The following ZCCHC7 variants were observed in gnomAD, a reference collection of about 807,000 sequenced individuals.
ZCCHC7 encodes the protein zinc finger CCHC domain-containing protein 7.
A neutral mutation model predicts 52.0 loss-of-function variants in ZCCHC7; 35 were observed. The observed-to-expected ratio is 0.67, with a 90% CI of 0.51 to 0.89. ZCCHC7 has a LOEUF of 0.89. Among genes scored for constraint, ZCCHC7 ranks in the 40% least tolerant of loss-of-function variants. ZCCHC7 has a pLI of 0.00. For missense variants in ZCCHC7, 574 were observed against 649.1 expected (o/e 0.88, Z 1.26); for synonymous variants, 217 against 221.5 (o/e 0.98, Z 0.18).
chr9:37,207,668 C>G (rs1211908184), intron 2 of ZCCHC7, among the ~76,000 whole-genome samples: 1 of 151,386 alleles, frequency 6.6e-6, no homozygotes, highest in Non-Finnish European at 1.5e-5. Flanking sequence ...TTCTGTTTGT[C>G]GGATCGGATA....
chr9:37,334,117 A>C (rs974646229), intron 6 of ZCCHC7, among the ~76,000 whole-genome samples: 1 of 151,928 alleles, frequency 6.6e-6, no homozygotes, highest in African/African-American at 2.4e-5. Context: ...TAAAGAGTGT[A>C]GAAGTATTAT....
intron 3 of ZCCHC7, among the ~76,000 whole-genome samples, chr9:37,303,655 CTTTTTTTTTT>C (rs74182940): frequency 5.3e-5 from 3 of 56,776 alleles, no homozygotes; most frequent in East Asian, 5.7e-4. Context: ...TTTTCTACCT[CTTTTTTTTTT>C]TTTTTTTTTT....
intron 2 of ZCCHC7, among the ~76,000 whole-genome samples, chr9:37,253,008 T>TTCA (rs1268011239): frequency 6.6e-6 from 1 of 152,224 alleles, no homozygotes; most frequent in African/African-American, 2.4e-5. Flanking sequence ...TTTCCTTCCT[T>TTCA]TCATTAAAAT....
At chr9:37,250,297 TC>T (rs1826267351) in intron 2 of ZCCHC7, among the ~76,000 whole-genome samples, 1 of 145,232 alleles carries the variant, frequency 6.9e-6, no homozygotes, top group Non-Finnish European at 1.5e-5. Context: ...TCTCTTTCTC[TC>T]TCTTTTTTTT....
chr9:37,234,063 A>G (rs920669116), intron 2 of ZCCHC7, among the ~76,000 whole-genome samples: 4 of 151,972 alleles, frequency 2.6e-5, no homozygotes, highest in Non-Finnish European at 5.9e-5. Flanking sequence ...TATGTTGGCC[A>G]GGGTTTCACT....
chr9:37,336,984 GC>G (rs1046070070), intron 6 of ZCCHC7, among the ~76,000 whole-genome samples: 13 of 152,114 alleles, frequency 8.5e-5, no homozygotes, highest in African/African-American at 3.1e-4. Context: ...ATGAATGGCA[GC>G]TCCTCTCCGG....
At chr9:37,167,142 A>G (rs542498543) in intron 2 of ZCCHC7, among the ~76,000 whole-genome samples, 8 of 146,426 alleles carry the variant, frequency 5.5e-5, no homozygotes, top group African/African-American at 2.0e-4. Context: ...GTTATTTTTT[A>G]CTTTTTTCTC....
At chr9:37,329,079 T>G (rs1450920905) in intron 6 of ZCCHC7, among the ~76,000 whole-genome samples, 2 of 152,034 alleles carry the variant, frequency 1.3e-5, no homozygotes, top group South Asian at 2.1e-4. Context: ...CAGCCTAAAC[T>G]TAATTAGAAT....
At chr9:37,321,390 A>G (rs912648731) in intron 5 of ZCCHC7, among the ~76,000 whole-genome samples, 2 of 151,990 alleles carry the variant, frequency 1.3e-5, no homozygotes, top group Non-Finnish European at 2.9e-5. Context: ...CAGTCTCCCA[A>G]AGTGCTGGGA....
intron 2 of ZCCHC7, among the ~76,000 whole-genome samples, chr9:37,146,591 A>C (rs1791390475): frequency 6.6e-6 from 1 of 151,964 alleles, no homozygotes; most frequent in Admixed American, 6.6e-5. Context: ...AGTAACAGGA[A>C]GTAATTCAGT....
intron 2 of ZCCHC7, among the ~76,000 whole-genome samples, chr9:37,271,438 TCTTATAAAG>T (rs1827406508): frequency 6.6e-6 from 1 of 152,232 alleles, no homozygotes; most frequent in Non-Finnish European, 1.5e-5. Flanking sequence ...CTTTTTGGGA[TCTTATAAAG>T]CATATATATT....
chr9:37,162,655 T>TA (rs1286497745), intron 2 of ZCCHC7, among the ~76,000 whole-genome samples: 1 of 152,244 alleles, frequency 6.6e-6, no homozygotes, highest in Non-Finnish European at 1.5e-5. Flanking sequence ...TTTTAGAAAT[T>TA]ACAAAGCTGC....
At chr9:37,149,131 G>A (rs1158045197) in intron 2 of ZCCHC7, among the ~76,000 whole-genome samples, 1 of 152,140 alleles carries the variant, frequency 6.6e-6, no homozygotes, top group African/African-American at 2.4e-5. Context: ...TGGTCCCAAT[G>A]TTAATTTCTG....
chr9:37,324,205 T>C (rs925099501), intron 5 of ZCCHC7, among the ~76,000 whole-genome samples: 15 of 152,318 alleles, frequency 9.8e-5, no homozygotes, highest in African/African-American at 3.6e-4. Context: ...CACCAGAGGA[T>C]TCTGTTAAAA....
intron 2 of ZCCHC7, among the ~76,000 whole-genome samples, chr9:37,197,178 C>A (rs1823332999): frequency 6.6e-6 from 1 of 151,990 alleles, no homozygotes; most frequent in African/African-American, 2.4e-5. Flanking sequence ...AATTAGACTT[C>A]CCCCCACCCC....
At chr9:37,220,966 A>G (rs1267827494) in intron 2 of ZCCHC7, among the ~76,000 whole-genome samples, 1 of 152,188 alleles carries the variant, frequency 6.6e-6, no homozygotes, top group East Asian at 1.9e-4. Flanking sequence ...TTTTTTCCCC[A>G]CACAAGTAGT....
intron 6 of ZCCHC7, among the ~76,000 whole-genome samples, chr9:37,334,151 G>C (rs1367417021): frequency 3.9e-5 from 6 of 151,902 alleles, no homozygotes; most frequent in African/African-American, 1.4e-4. Context: ...GCATATTCAA[G>C]TGATTATTTC....
At position 37,350,980 on chromosome 9, in the gene ZCCHC7, C is replaced by T. The variant is rs1821341078; in HGVS notation, c.1083+1528C>T. ...GAGTCCTCAGACTGAGAAGTATGAGCAATAGGATGGGGTGAGTGGTATTGC... is the reference window on the plus strand; with the variant it reads ...GAGTCCTCAGACTGAGAAGTATGAGTAATAGGATGGGGTGAGTGGTATTGC... On this transcript the variant is annotated intron_variant, in intron 7 of 8. Transcript: ENST00000336755. 4.6e-5 allele frequency among the ~76,000 whole-genome samples: 7 copies of T among 152,158 alleles called. No individual in the cohort carries two copies. In the South Asian group the frequency reaches 1.2e-3, roughly 27 times the overall value.
At chr9:37,178,921 A>G (rs892894783) in intron 2 of ZCCHC7, among the ~76,000 whole-genome samples, 4 of 152,182 alleles carry the variant, frequency 2.6e-5, no homozygotes, top group Admixed American at 2.6e-4. Context: ...CTGATATTTT[A>G]TTTTGCAAAT....
Sources: allele counts gnomAD v4.1 joint callset (sites outside exome capture counted in the v4.1 genomes callset), GRCh38; gene constraint gnomAD v4.1.1; transcripts MANE v1.5; gene names NCBI Gene and HGNC (gene_info 2026-07-23, HGNC 2026-07-21).